The following ANO4 variants were observed in gnomAD, a reference collection of about 807,000 sequenced individuals.
ANO4 encodes the protein anoctamin 4, also known as anoctamin-4.
ANO4 carries 69 observed loss-of-function variants against 141.9 expected under a neutral mutation model. That is an observed-to-expected ratio of 0.49 (90% CI 0.40 to 0.59). The LOEUF (loss-of-function observed/expected upper bound fraction) is 0.59. Ranked by LOEUF, ANO4 falls within the 20% of genes least tolerant of loss-of-function variation. The pLI is 0.00. For missense variants in ANO4, 894 were observed against 1,162.2 expected, an observed-to-expected ratio of 0.77 and a Z score of 3.36; for synonymous variants, 350 against 394.3, an observed-to-expected ratio of 0.89 and a Z score of 1.33.
intron 14 of ANO4, among the ~76,000 whole-genome samples, chr12:101,075,230 G>C (rs1223646896): frequency 6.6e-6 from 1 of 152,130 alleles, no homozygotes; most frequent in African/African-American, 2.4e-5. Flanking sequence ...GTATAAAACA[G>C]CTCATGTGTG....
chr12:100,889,355 C>G (rs2039992613), intron 1 of ANO4, among the ~76,000 whole-genome samples: 1 of 152,050 alleles, frequency 6.6e-6, no homozygotes, highest in Non-Finnish European at 1.5e-5. Context: ...GTGCATGTGT[C>G]TTTATAGCAG....
At chr12:101,127,235 T>TGG (rs1383305055) in intron 27 of ANO4, among the ~76,000 whole-genome samples, 161 bp downstream of exon 27, 1 of 152,228 alleles carries the variant, frequency 6.6e-6, no homozygotes, top group East Asian at 1.9e-4. Context: ...CTTTAATCGT[T>TGG]GCAAATTTTG....
intron 26 of ANO4, 141 bp downstream of exon 26, chr12:101,120,766 T>C (rs1458996013): frequency 1.5e-6 from 1 of 649,222 alleles, no homozygotes; most frequent in Non-Finnish European, 2.6e-6. Flanking sequence ...GTAACCTCTT[T>C]TTGATCTTTT....
chr12:101,057,097 A>T (rs1171389702), intron 14 of ANO4, among the ~76,000 whole-genome samples: 1 of 151,456 alleles, frequency 6.6e-6, no homozygotes, highest in East Asian at 1.9e-4. Context: ...GAGTGAGAAC[A>T]TGCAGTGTTT....
intron 3 of ANO4, among the ~76,000 whole-genome samples, chr12:100,779,696 G>A (rs556556692): frequency 1.3e-5 from 2 of 152,258 alleles, no homozygotes; most frequent in East Asian, 3.9e-4. Context: ...AAACATGCTA[G>A]CCTTTCCTCC....
chr12:101,085,409 A>C (rs2049449871), intron 16 of ANO4, among the ~76,000 whole-genome samples: 1 of 152,218 alleles, frequency 6.6e-6, no homozygotes, highest in African/African-American at 2.4e-5. Context: ...TGTACTGAAC[A>C]TGTACAGCTA....
chr12:100,777,988 C>T (rs1487579030), intron 3 of ANO4, among the ~76,000 whole-genome samples: 6 of 149,196 alleles, frequency 4.0e-5, no homozygotes, highest in Non-Finnish European at 7.4e-5. Flanking sequence ...GGCGTGATCT[C>T]GGCTCACTGC....
At position 101,097,112 on chromosome 12, in the gene ANO4, G is replaced by T. The variant is rs199722451; in HGVS notation, c.1850+465G>T. 1.9e-4 allele frequency among the ~76,000 whole-genome samples: 29 copies of T among 152,186 alleles called. 1 individual carries two copies. The East Asian group carries it at 4.1e-3, about 21-fold the overall frequency. On this transcript the variant is annotated intron_variant, in intron 19 of 27. Transcript: ENST00000392977. The stretch of plus-strand genomic sequence containing the variant: ...TTAAATCCAGCAGTTATGAGGATTT[G>T]GGAAAGATTCCCTGGGTAGTGGTAA...
chr12:100,785,632 T>C (rs1267520094), intron 3 of ANO4, among the ~76,000 whole-genome samples: 1 of 152,204 alleles, frequency 6.6e-6, no homozygotes, highest in Non-Finnish European at 1.5e-5. Context: ...CACAGTTTTA[T>C]TTTTCATTCC....
intron 8 of ANO4, among the ~76,000 whole-genome samples, chr12:100,997,331 C>CA (rs34066695): frequency 0.05 from 3,812 of 75,814 alleles, 196 homozygotes; most frequent in Middle Eastern, 0.11. Context: ...GACTCTGTCT[C>CA]AAAAAAAAAA....
At chr12:100,827,629 C>T (rs78526806) in intron 1 of ANO4, among the ~76,000 whole-genome samples, 17 of 151,384 alleles carry the variant, frequency 1.1e-4, no homozygotes, top group South Asian at 4.2e-4. Context: ...ATGATTTTAG[C>T]GGAAATAAAT....
At chr12:100,894,437 CCTA>C (rs2136001425) in intron 1 of ANO4, among the ~76,000 whole-genome samples, 1 of 152,126 alleles carries the variant, frequency 6.6e-6, no homozygotes, top group South Asian at 2.1e-4. Context: ...CAGAAATGCA[CCTA>C]CTTTCAGTTA....
chr12:100,779,666 G>T (rs1198987329), intron 3 of ANO4, among the ~76,000 whole-genome samples: 5 of 152,086 alleles, frequency 3.3e-5, no homozygotes, highest in African/African-American at 1.2e-4. Flanking sequence ...TCATATGTAG[G>T]TTGGTATGCC....
intron 1 of ANO4, among the ~76,000 whole-genome samples, chr12:100,877,076 T>C (rs574792632): frequency 1.3e-5 from 2 of 151,972 alleles, no homozygotes; most frequent in African/African-American, 4.8e-5. Flanking sequence ...AAAATAAAAC[T>C]CATAGAAGCA....
At chr12:101,098,125 G>T (rs939718571) in intron 21 of ANO4, among the ~76,000 whole-genome samples, 180 bp downstream of exon 21, 2 of 152,154 alleles carry the variant, frequency 1.3e-5, no homozygotes, top group African/African-American at 4.8e-5. Flanking sequence ...TGGCTCTTCT[G>T]GGAGATTTAG....
intron 2 of ANO4, among the ~76,000 whole-genome samples, chr12:100,918,036 T>G (rs1376053440): frequency 6.6e-6 from 1 of 152,222 alleles, no homozygotes; most frequent in Non-Finnish European, 1.5e-5. Context: ...TAAAAGTGTT[T>G]TGTGCTAAGG....
intron 1 of ANO4, among the ~76,000 whole-genome samples, chr12:100,884,381 G>T (rs1051251152): frequency 6.6e-6 from 1 of 152,148 alleles, no homozygotes; most frequent in South Asian, 2.1e-4. Flanking sequence ...CCTCCACAGG[G>T]CCCCCCATGA....
At chr12:101,091,362 T>C (rs1026984223) in intron 17 of ANO4, among the ~76,000 whole-genome samples, 5 of 152,190 alleles carry the variant, frequency 3.3e-5, no homozygotes, top group Non-Finnish European at 5.9e-5. Flanking sequence ...TCTGTGATGA[T>C]GTCTCATCCC....
chr12:101,081,461 G>A (rs1269480607), intron 15 of ANO4, among the ~76,000 whole-genome samples: 1 of 152,142 alleles, frequency 6.6e-6, no homozygotes, highest in Admixed American at 6.6e-5. Context: ...AAAAAGCGTG[G>A]AGTGCTGAAT....
Sources: allele counts gnomAD v4.1 joint callset (sites outside exome capture counted in the v4.1 genomes callset), GRCh38; gene constraint gnomAD v4.1.1; transcripts MANE v1.5; gene names NCBI Gene and HGNC (gene_info 2026-07-23, HGNC 2026-07-21).